Variants in ERBB4 observed in about 807,000 individuals in gnomAD.
ERBB4 encodes the protein erb-b2 receptor tyrosine kinase 4.
In ERBB4, 42 loss-of-function variants were observed where a neutral mutation model predicts 158.0. That is an observed-to-expected ratio of 0.27 (90% CI 0.21 to 0.34). The LOEUF (loss-of-function observed/expected upper bound fraction) is 0.34. Among genes scored for constraint, ERBB4 ranks in the 10% least tolerant of loss-of-function variants. The pLI, the probability that ERBB4 is intolerant of heterozygous loss-of-function variation, is 1.00. For missense variants in ERBB4, 1,333 were observed against 1,624.1 expected (o/e 0.82, Z 3.08); for synonymous variants, 583 against 558.7 (o/e 1.04, Z -0.61).
At chr2:212,054,868 C>T (rs1026135299) in intron 2 of ERBB4, among the ~76,000 whole-genome samples, 9 of 152,274 alleles carry the variant, frequency 5.9e-5, no homozygotes, top group African/African-American at 2.2e-4. Context: ...CAGCTCCCAG[C>T]GTGAGCAATG....
At chr2:212,100,901 T>G (rs940794048) in intron 2 of ERBB4, among the ~76,000 whole-genome samples, 4 of 152,132 alleles carry the variant, frequency 2.6e-5, no homozygotes, top group African/African-American at 9.7e-5. Flanking sequence ...GAGATTCTGG[T>G]TTTTGTTTAT....
chr2:212,322,846 T>G (rs529261997), intron 1 of ERBB4, among the ~76,000 whole-genome samples: 1 of 150,522 alleles, frequency 6.6e-6, no homozygotes, highest in African/African-American at 2.4e-5. Flanking sequence ...TTTGGACATG[T>G]AGCACCAGAA....
rs62182979 is a variant in ERBB4, at chr2:211,717,578, C to G, written c.884-3930G>C. 7.7e-3 allele frequency among the ~76,000 whole-genome samples: 1,174 copies of G among 152,136 alleles called. 7 individuals carry two copies. The highest frequency in any genetic ancestry group is 0.02 in the Middle Eastern group (6 of 294). On this transcript the variant is annotated intron_variant, in intron 7 of 27. Coordinates refer to ENST00000342788, the MANE Select transcript of ERBB4 (RefSeq NM_005235.3). Reference sequence around the variant, plus strand: ...GGTGCGGTGGCTCACGCCTGTAATCCCAGCACTTTGGGAGGCCGAGGGAGG... The same window carrying G: ...GGTGCGGTGGCTCACGCCTGTAATCGCAGCACTTTGGGAGGCCGAGGGAGG...
At chr2:211,574,530 A>G (rs1367351929) in intron 19 of ERBB4, among the ~76,000 whole-genome samples, 1 of 152,222 alleles carries the variant, frequency 6.6e-6, no homozygotes, top group African/African-American at 2.4e-5. Context: ...TATTAATCTT[A>G]CCAATGCTAC....
chr2:212,437,444 G>A (rs2092162424), intron 1 of ERBB4, among the ~76,000 whole-genome samples: 1 of 150,352 alleles, frequency 6.7e-6, no homozygotes, highest in South Asian at 2.1e-4. Context: ...TCCTGTACAG[G>A]AAGTGATAAG....
At chr2:212,462,080 C>T (rs1688604665) in intron 1 of ERBB4, among the ~76,000 whole-genome samples, 2 of 151,984 alleles carry the variant, frequency 1.3e-5, no homozygotes, top group African/African-American at 4.8e-5. Context: ...AATACATCTA[C>T]CATATACAAT....
At chr2:211,399,146 T>C (rs561512762) in intron 25 of ERBB4, among the ~76,000 whole-genome samples, 1 of 152,342 alleles carries the variant, frequency 6.6e-6, no homozygotes, top group African/African-American at 2.4e-5. Context: ...AATTATTGAT[T>C]CAAAAAGTAT....
At chr2:212,128,141 T>C (rs760586222) in intron 1 of ERBB4, among the ~76,000 whole-genome samples, 8 of 152,214 alleles carry the variant, frequency 5.3e-5, no homozygotes, top group Non-Finnish European at 1.2e-4. Context: ...AATTCATTTA[T>C]TGCCTTTGAG....
intron 1 of ERBB4, among the ~76,000 whole-genome samples, chr2:212,133,256 A>G (rs187902743): frequency 2.2e-4 from 33 of 152,178 alleles, no homozygotes; most frequent in African/African-American, 7.5e-4. Context: ...TATAAAATCC[A>G]AAGTTCTTAT....
intron 1 of ERBB4, among the ~76,000 whole-genome samples, chr2:212,268,052 A>G (rs764245585): frequency 3.1e-4 from 47 of 152,000 alleles, no homozygotes; most frequent in Non-Finnish European, 6.0e-4. Flanking sequence ...CATCACCACT[A>G]TATCAAATGC....
intron 4 of ERBB4, among the ~76,000 whole-genome samples, chr2:211,764,673 C>T (rs1315352337): frequency 6.6e-6 from 1 of 152,140 alleles, no homozygotes; most frequent in East Asian, 1.9e-4. Context: ...GGAGCCCATA[C>T]TCTTAACCAA....
chr2:212,444,442 T>C (rs992026278), intron 1 of ERBB4, among the ~76,000 whole-genome samples: 1 of 152,222 alleles, frequency 6.6e-6, no homozygotes, highest in South Asian at 2.1e-4. Context: ...CAAAGCATGA[T>C]TAGAAAATTG....
chr2:211,594,266 G>A (rs951797051), intron 19 of ERBB4, among the ~76,000 whole-genome samples: 6 of 151,956 alleles, frequency 3.9e-5, no homozygotes, highest in Non-Finnish European at 5.9e-5. Flanking sequence ...GTGAAACCTC[G>A]TCTCTACTAA....
intron 1 of ERBB4, among the ~76,000 whole-genome samples, chr2:212,291,450 ATTAAG>A (rs1025076697): frequency 2.0e-5 from 3 of 152,150 alleles, no homozygotes; most frequent in African/African-American, 7.2e-5. Flanking sequence ...TTGCATTAAA[ATTAAG>A]TTAATTTTGT....
intron 20 of ERBB4, among the ~76,000 whole-genome samples, chr2:211,469,175 G>A (rs1463197422): frequency 6.6e-6 from 1 of 152,098 alleles, no homozygotes; most frequent in Non-Finnish European, 1.5e-5. Context: ...TCACCTTCCT[G>A]TCCATGGTCC....
intron 1 of ERBB4, among the ~76,000 whole-genome samples, chr2:212,318,760 G>A (rs1160909347): frequency 1.3e-5 from 2 of 151,534 alleles, no homozygotes; most frequent in Non-Finnish European, 3.0e-5. Context: ...TGTTTCCTGT[G>A]GTTTTGCTTA....
At chr2:211,963,454 C>T (rs2081235496) in intron 2 of ERBB4, among the ~76,000 whole-genome samples, 2 of 152,078 alleles carry the variant, frequency 1.3e-5, no homozygotes, top group African/African-American at 4.8e-5. Context: ...ACCATCAATA[C>T]AATCCATAAA....
chr2:212,470,294 C>T (rs993027152), intron 1 of ERBB4, among the ~76,000 whole-genome samples: 2 of 152,036 alleles, frequency 1.3e-5, no homozygotes, highest in African/African-American at 2.4e-5. Flanking sequence ...TGTGCTTCTT[C>T]ACCCAGTAAC....
At chr2:212,192,601 C>G (rs1379226802) in intron 1 of ERBB4, among the ~76,000 whole-genome samples, 1 of 152,118 alleles carries the variant, frequency 6.6e-6, no homozygotes, top group East Asian at 1.9e-4. Context: ...ACAATAATGC[C>G]TTTGGTCTTA....
Sources: allele counts gnomAD v4.1 joint callset (sites outside exome capture counted in the v4.1 genomes callset), GRCh38; gene constraint gnomAD v4.1.1; transcripts MANE v1.5; gene names NCBI Gene and HGNC (gene_info 2026-07-23, HGNC 2026-07-21).